The following STS variants were observed in gnomAD, a reference collection of about 807,000 sequenced individuals.
The protein encoded by STS is steroid sulfatase.
STS carries 7 observed loss-of-function variants against 26.8 expected under a neutral mutation model. The observed-to-expected ratio is 0.26, with a 90% CI of 0.15 to 0.49. The LOEUF (loss-of-function observed/expected upper bound fraction) is 0.49. Among genes scored for constraint, STS ranks in the 20% least tolerant of loss-of-function variants. The pLI, the probability that STS is intolerant of heterozygous loss-of-function variation, is 0.98. For missense variants in STS, 434 were observed against 465.6 expected, an observed-to-expected ratio of 0.93 and a Z score of 0.63; for synonymous variants, 199 against 189.4, an observed-to-expected ratio of 1.05 and a Z score of -0.42.
intron 2 of STS, among the ~76,000 whole-genome samples, chrX:7,233,484 T>A (rs1238814697): frequency 8.9e-6 from 1 of 111,825 alleles, no homozygotes; most frequent in Non-Finnish European, 1.9e-5. Flanking sequence ...CTAGTTTTAG[T>A]TTTTTGAGAA....
intron 2 of STS, among the ~76,000 whole-genome samples, chrX:7,193,292 T>A (rs1454634620): frequency 8.9e-6 from 1 of 112,306 alleles, no homozygotes; most frequent in African/African-American, 3.2e-5. Context: ...AATAATTTAT[T>A]TTCTAAAGTT....
In STS at chrX:7,325,571, A is replaced by C. The variant is rs1359718607; in HGVS notation, c.1241+73A>C. 5 of 1,147,326 alleles carry C rather than the reference A, an allele frequency of 4.4e-6. No individual in the cohort carries two copies. In the African/African-American group the frequency reaches 7.1e-5, roughly 16 times the overall value. 94.6% of individuals were successfully genotyped at this position (1,147,326 alleles called of 1,213,427 possible). The stretch of plus-strand genomic sequence containing the variant: ...GCCCAGTATGCTCTGGTTTGCCTGC[A>C]TAATGGTGTGGGGACCAAGGCCTTT... On this transcript the variant is annotated intron_variant, in intron 9 of 10. Transcript: ENST00000674429.
chrX:7,353,388 A>G lies in STS; in HGVS notation c.*3127A>G, dbSNP rs925367471. On this transcript the variant is annotated 3_prime_UTR_variant, in exon 11 of 11. Coordinates refer to ENST00000674429, the MANE Select transcript of STS (RefSeq NM_001320752.2). ...AAGGAAATGAACATTGGGGATTGAAAATCATATTGGTATTTGCACCAACAT... is the reference window on the plus strand; with the variant it reads ...AAGGAAATGAACATTGGGGATTGAAGATCATATTGGTATTTGCACCAACAT... The G allele has an allele frequency of 1.4e-4, 16 of 111,296 alleles. No individual in the cohort carries two copies. The highest frequency in any genetic ancestry group is 4.9e-4 in the African/African-American group (15 of 30,668). The allele number at this position is 111,296 out of a possible 1,213,427, so 9.2% of individuals were successfully genotyped here.
chrX:7,150,244 CAG>C (rs1325588830), intron 1 of STS, among the ~76,000 whole-genome samples: 5 of 111,532 alleles, frequency 4.5e-5, no homozygotes, highest in African/African-American at 1.6e-4. Flanking sequence ...TTTTATGAGA[CAG>C]AGTCTCACTC....
At chrX:7,340,262 C>A (rs1294185335) in intron 10 of STS, among the ~76,000 whole-genome samples, 1 of 111,196 alleles carries the variant, frequency 9.0e-6, no homozygotes, top group South Asian at 3.8e-4. Context: ...CACGGGGTGT[C>A]TCTCAGTTCT....
At position 7,330,914 on chromosome X, in the gene STS, C is replaced by T. The variant is rs762528504; in HGVS notation, c.1242-3072C>T. ...TTTATTACAGATATATGTACTTTCT[C>T]CTAAAGATGTTTCCTTAACTATGAC... On this transcript the variant is annotated intron_variant, in intron 9 of 10. Coordinates refer to ENST00000674429, the MANE Select transcript of STS (RefSeq NM_001320752.2). Among the ~76,000 whole-genome samples, 13 of 112,169 alleles carry T rather than the reference C, an allele frequency of 1.2e-4. No homozygotes were observed. In the South Asian group the frequency reaches 4.1e-3, roughly 35 times the overall value.
intron 8 of STS, among the ~76,000 whole-genome samples, chrX:7,320,748 T>C (rs1458765325): frequency 8.9e-6 from 1 of 111,958 alleles, no homozygotes; most frequent in Non-Finnish European, 1.9e-5. Context: ...TTGGCTGTGA[T>C]GTCTGTGAAG....
chrX:7,230,907 T>C (rs1473782409), intron 2 of STS, among the ~76,000 whole-genome samples: 8 of 112,065 alleles, frequency 7.1e-5, no homozygotes, highest in Non-Finnish European at 1.5e-4. Flanking sequence ...AGTATGTTTA[T>C]GCCGATATTA....
chrX:7,200,555 A>C (rs1037650249), intron 2 of STS, among the ~76,000 whole-genome samples: 1 of 111,705 alleles, frequency 9.0e-6, no homozygotes, highest in Non-Finnish European at 1.9e-5. Flanking sequence ...TCTTGGACCA[A>C]GCATGAAAAA....
At chrX:7,275,401 A>T (rs936107811) in intron 6 of STS, among the ~76,000 whole-genome samples, 16 of 111,450 alleles carry the variant, frequency 1.4e-4, no homozygotes, top group Non-Finnish European at 2.6e-4. Flanking sequence ...ACTGTCCCCA[A>T]CAAGTCTATA....
chrX:7,182,743 C>T (rs767211265), intron 1 of STS, among the ~76,000 whole-genome samples: 12 of 110,878 alleles, frequency 1.1e-4, no homozygotes, highest in South Asian at 3.9e-4. Context: ...CTAGACTCTG[C>T]GGGGGGTGGT....
At chrX:7,295,528 T>A (rs893204252) in intron 7 of STS, among the ~76,000 whole-genome samples, 1 of 111,111 alleles carries the variant, frequency 9.0e-6, no homozygotes, top group Non-Finnish European at 1.9e-5. Flanking sequence ...AGAAAAATCA[T>A]AGATGAGAAA....
At chrX:7,324,157 G>A (rs888153744) in intron 8 of STS, among the ~76,000 whole-genome samples, 2 of 108,146 alleles carry the variant, frequency 1.8e-5, no homozygotes, top group African/African-American at 6.7e-5. Flanking sequence ...GGTAGCATGA[G>A]TCAAAATCGG....
intron 7 of STS, among the ~76,000 whole-genome samples, chrX:7,290,442 A>G (rs1433459135): frequency 2.7e-5 from 3 of 112,179 alleles, no homozygotes; most frequent in Non-Finnish European, 3.8e-5. Context: ...ATGCATTCAT[A>G]GTAGTTCTCA....
intron 2 of STS, among the ~76,000 whole-genome samples, chrX:7,205,364 G>T (rs771256859): frequency 9.0e-6 from 1 of 111,669 alleles, no homozygotes; most frequent in Non-Finnish European, 1.9e-5. Context: ...TGGTTCTTTG[G>T]GGATATTACA....
At chrX:7,271,105 G>T (rs1924249686) in intron 6 of STS, among the ~76,000 whole-genome samples, 1 of 109,668 alleles carries the variant, frequency 9.1e-6, no homozygotes, top group Non-Finnish European at 1.9e-5. Context: ...CCATGCAATA[G>T]CTCCTCGTTC....
chrX:7,233,831 C>T (rs957740071), intron 2 of STS, among the ~76,000 whole-genome samples: 4 of 111,550 alleles, frequency 3.6e-5, no homozygotes, highest in Middle Eastern at 4.6e-3. Flanking sequence ...AGAATAACAA[C>T]AGCCTGGCCA....
At chrX:7,312,473 AGTAGGG>A (rs1926524381) in intron 8 of STS, among the ~76,000 whole-genome samples, 1 of 111,496 alleles carries the variant, frequency 9.0e-6, no homozygotes, top group African/African-American at 3.3e-5. Flanking sequence ...TTACTGAATG[AGTAGGG>A]ATATGGTTTG....
chrX:7,291,383 G>A (rs1925408159), intron 7 of STS, among the ~76,000 whole-genome samples: 1 of 111,600 alleles, frequency 9.0e-6, no homozygotes, highest in East Asian at 2.8e-4. Context: ...TTTACAACAG[G>A]ATTCTGTAAG....
Sources: allele counts gnomAD v4.1 joint callset (sites outside exome capture counted in the v4.1 genomes callset), GRCh38; gene constraint gnomAD v4.1.1; transcripts MANE v1.5; gene names NCBI Gene and HGNC (gene_info 2026-07-23, HGNC 2026-07-21).